INPP4B: variants seen among roughly 807,000 people sequenced by gnomAD.
INPP4B encodes inositol polyphosphate 4-phosphatase type II.
A neutral mutation model predicts 122.5 loss-of-function variants in INPP4B; 55 were observed. The observed-to-expected ratio is 0.45, with a 90% confidence interval of 0.36 to 0.56. The LOEUF (loss-of-function observed/expected upper bound fraction) is 0.56. Ranked by LOEUF, INPP4B falls within the 20% of genes least tolerant of loss-of-function variation. The pLI, the probability that INPP4B is intolerant of heterozygous loss-of-function variation, is 0.00. For synonymous variants in INPP4B, 403 were observed against 388.7 expected, an observed-to-expected ratio of 1.04 and a Z score of -0.43; for missense variants, 1,000 against 1,097.7, an observed-to-expected ratio of 0.91 and a Z score of 1.26.
intron 2 of INPP4B, among the ~76,000 whole-genome samples, chr4:142,553,241 A>G (rs1368570157): frequency 6.6e-6 from 1 of 152,022 alleles, no homozygotes; most frequent in Non-Finnish European, 1.5e-5. Context: ...AACAATATTA[A>G]CCACTGCTTT....
At chr4:142,627,040 A>G (rs962611765) in intron 2 of INPP4B, among the ~76,000 whole-genome samples, 2 of 152,004 alleles carry the variant, frequency 1.3e-5, no homozygotes, top group African/African-American at 4.8e-5. Context: ...TTTTTGATAC[A>G]TAGTCTCCTA....
At chr4:142,160,236 T>C in intron 17 of INPP4B, 122 bp downstream of exon 17, 1 of 675,070 alleles carries the variant, frequency 1.5e-6, no homozygotes, top group Non-Finnish European at 2.2e-6. Flanking sequence ...GGCCTATTTA[T>C]CCACAATCAG....
intron 21 of INPP4B, among the ~76,000 whole-genome samples, chr4:142,120,442 G>A (rs1036933162): frequency 2.0e-5 from 3 of 152,060 alleles, no homozygotes; most frequent in African/African-American, 7.2e-5. Context: ...ACAATATTGA[G>A]TCTTCTAATC....
intron 1 of INPP4B, among the ~76,000 whole-genome samples, chr4:142,837,254 CA>C (rs1561125637): frequency 6.6e-6 from 1 of 151,866 alleles, no homozygotes; most frequent in Admixed American, 6.6e-5. Context: ...AAATGAAGTA[CA>C]AATAAAAATA....
intron 25 of INPP4B, among the ~76,000 whole-genome samples, chr4:142,049,696 T>C (rs1377729044): frequency 4.0e-5 from 6 of 151,628 alleles, no homozygotes; most frequent in African/African-American, 1.5e-4. Flanking sequence ...TCAAATTCTG[T>C]AGGAAGAAAA....
intron 25 of INPP4B, among the ~76,000 whole-genome samples, chr4:142,033,821 T>C (rs1742019605): frequency 7.6e-6 from 1 of 131,784 alleles, no homozygotes; most frequent in Non-Finnish European, 1.7e-5. Context: ...TGCACCAACA[T>C]GCGCAGCTAA....
At chr4:142,563,200 A>T (rs1352299098) in intron 2 of INPP4B, among the ~76,000 whole-genome samples, 1 of 152,192 alleles carries the variant, frequency 6.6e-6, no homozygotes, top group African/African-American at 2.4e-5. Context: ...GAAAGGAAAA[A>T]ATCAAGGTTA....
chr4:142,059,645 A>G (rs904195257), intron 25 of INPP4B, among the ~76,000 whole-genome samples: 2 of 152,130 alleles, frequency 1.3e-5, no homozygotes, highest in Non-Finnish European at 2.9e-5. Context: ...GGCCTAGTGG[A>G]ATAATAACCC....
chr4:142,476,781 T>C (rs1223468684), intron 2 of INPP4B, among the ~76,000 whole-genome samples: 2 of 152,140 alleles, frequency 1.3e-5, no homozygotes, highest in Non-Finnish European at 2.9e-5. Context: ...ACACACCCAA[T>C]GCAGGAGCAC....
chr4:142,696,986 G>A (rs771303864), intron 2 of INPP4B, among the ~76,000 whole-genome samples: 2 of 152,278 alleles, frequency 1.3e-5, no homozygotes, highest in Non-Finnish European at 2.9e-5. Flanking sequence ...GTCAGAGAGA[G>A]TGGAACACTG....
chr4:142,056,244 G>T (rs1490118360), intron 25 of INPP4B, among the ~76,000 whole-genome samples: 1 of 152,056 alleles, frequency 6.6e-6, no homozygotes, highest in African/African-American at 2.4e-5. Context: ...GGGAACCCCT[G>T]CTTTAACCAA....
intron 14 of INPP4B, among the ~76,000 whole-genome samples, chr4:142,200,960 A>T (rs533613559): frequency 6.2e-4 from 94 of 152,022 alleles, no homozygotes; most frequent in Admixed American, 2.5e-3. Context: ...CTAGATACTT[A>T]TAAAGCAAAG....
Position 142,785,813 on chromosome 4 carries a change from G to A in INPP4B, c.-253-59912C>T, listed in dbSNP as rs117980204. Among the ~76,000 whole-genome samples, 205 of 152,132 alleles carry A rather than the reference G, an allele frequency of 1.3e-3. 5 individuals carry two copies. The East Asian group carries it at 0.037, about 27-fold the overall frequency. ...GACAGTCATCAAAACCGTGGATTCAGGAAGCTCAGAGAACACCAAGCAGGA... is the reference window on the plus strand; with the variant it reads ...GACAGTCATCAAAACCGTGGATTCAAGAAGCTCAGAGAACACCAAGCAGGA... On this transcript the variant is annotated intron_variant, in intron 1 of 25. Transcript: ENST00000262992.
chr4:142,690,379 A>T (rs1410178356), intron 2 of INPP4B, among the ~76,000 whole-genome samples: 3 of 152,200 alleles, frequency 2.0e-5, no homozygotes, highest in Non-Finnish European at 4.4e-5. Flanking sequence ...AGAAAAAGAC[A>T]TATGAAGACA....
chr4:142,119,503 G>A (rs1795480683), intron 21 of INPP4B, among the ~76,000 whole-genome samples: 1 of 152,020 alleles, frequency 6.6e-6, no homozygotes, highest in Non-Finnish European at 1.5e-5. Context: ...GTAGGGATAT[G>A]GATGAAGGTG....
At chr4:142,731,781 A>T (rs533776715) in intron 1 of INPP4B, among the ~76,000 whole-genome samples, 1 of 152,294 alleles carries the variant, frequency 6.6e-6, no homozygotes, top group Admixed American at 6.5e-5. Flanking sequence ...AGGGGAAAAA[A>T]AAAACATCAT....
intron 1 of INPP4B, among the ~76,000 whole-genome samples, chr4:142,823,402 A>G (rs1386428960): frequency 6.6e-6 from 1 of 152,190 alleles, no homozygotes; most frequent in Admixed American, 6.5e-5. Context: ...GAAATAAAAT[A>G]ATAATTCATA....
Position 142,023,955 on chromosome 4 carries a change from T to G in INPP4B, c.*4827A>C, listed in dbSNP as rs80120184. 1.3e-5 allele frequency: 2 copies of G among 152,010 alleles called. No homozygotes were observed. The highest frequency in any genetic ancestry group is 2.9e-5 in the Non-Finnish European group (2 of 67,978). 9.4% of individuals were successfully genotyped at this position (152,010 alleles called of 1,614,324 possible). A position where few individuals can be genotyped will look rare whatever the true frequency, so the allele number is the denominator to read the frequency against. ...GCTAAATTCATTACATTTTTTTTTT[T>G]GCTTATATTACCTTACTATTTTTCC... On this transcript the variant is annotated 3_prime_UTR_variant, in exon 26 of 26. Transcript: ENST00000262992.
intron 23 of INPP4B, among the ~76,000 whole-genome samples, chr4:142,093,545 T>C (rs1780500396): frequency 6.6e-6 from 1 of 152,184 alleles, no homozygotes; most frequent in Non-Finnish European, 1.5e-5. Flanking sequence ...CTCTGGTGAG[T>C]ACTATAGTCT....
Sources: allele counts gnomAD v4.1 joint callset (sites outside exome capture counted in the v4.1 genomes callset), GRCh38; gene constraint gnomAD v4.1.1; transcripts MANE v1.5; gene names NCBI Gene and HGNC (gene_info 2026-07-23, HGNC 2026-07-21).